Variants in ARSJ observed in about 807,000 individuals in gnomAD.
ARSJ encodes the protein arylsulfatase family member J.
ARSJ carries 26 observed loss-of-function variants against 35.9 expected under a neutral mutation model. That is an observed-to-expected ratio of 0.72 (90% confidence interval 0.53 to 1.00). The LOEUF (loss-of-function observed/expected upper bound fraction) is 1.00, where lower values mean the gene tolerates loss of function less well. Among genes scored for constraint, ARSJ ranks in the 50% least tolerant of loss-of-function variants. ARSJ has a pLI of 0.00. For missense variants in ARSJ, 667 were observed against 723.6 expected (o/e 0.92, Z 0.90); for synonymous variants, 294 against 267.6 (o/e 1.10, Z -0.96).
chr4:113,971,490 T>C (rs6533737), intron 1 of ARSJ, among the ~76,000 whole-genome samples: 147,960 of 152,208 alleles, frequency 0.97, 72,017 homozygotes, highest in East Asian at 1. Flanking sequence ...CAATAGTTTA[T>C]TTGACCATAA....
rs1419440470 is a variant in ARSJ, at chr4:113,900,753, C to G, written c.*1521G>C. 1 of 152,182 alleles carries G rather than the reference C, an allele frequency of 6.6e-6. No individual in the cohort carries two copies. Among genetic ancestry groups the G allele is most frequent in the Non-Finnish European group, 1.5e-5 (1 of 68,034 alleles). 9.4% of individuals were successfully genotyped at this position (152,182 alleles called of 1,614,324 possible). A position where few individuals can be genotyped will look rare whatever the true frequency, so the allele number is the denominator to read the frequency against. On this transcript the variant is annotated 3_prime_UTR_variant, in exon 2 of 2. Coordinates refer to ENST00000315366, the MANE Select transcript of ARSJ (RefSeq NM_024590.4). ...AAGAAAACACCAGGGTCTACAGGAT[C>G]CACACCAATCTATGCTCATTGATGA...
chr4:113,916,693 G>T (rs1248730717), intron 1 of ARSJ, among the ~76,000 whole-genome samples: 1 of 151,956 alleles, frequency 6.6e-6, no homozygotes, highest in Non-Finnish European at 1.5e-5. Flanking sequence ...CTTTTTCCTG[G>T]TAGTCAGATT....
At chr4:113,943,424 T>G (rs769996286) in intron 1 of ARSJ, 2 of 152,030 alleles carry the variant, frequency 1.3e-5, no homozygotes, top group Non-Finnish European at 2.9e-5. Context: ...AATTCCTCTG[T>G]AAATATCTCA....
intron 1 of ARSJ, among the ~76,000 whole-genome samples, chr4:113,904,941 G>A (rs1487004943): frequency 1.3e-5 from 2 of 152,180 alleles, no homozygotes; most frequent in Non-Finnish European, 2.9e-5. Flanking sequence ...CCTTATGTAT[G>A]TTTCCCACAG....
In ARSJ at chr4:113,969,151, C is replaced by T. The variant is rs979686401; in HGVS notation, c.398+9286G>A. On this transcript the variant is annotated intron_variant, in intron 1 of 1. Transcript: ENST00000315366. The stretch of plus-strand genomic sequence containing the variant: ...TACTTTTAACATCACTGTTTAAATA[C>T]ACATTTCCTCTCACTTGTCACAGGC... Among the ~76,000 whole-genome samples the T allele has an allele frequency of 6.6e-5, 10 of 152,090 alleles. 1 individual carries two copies. The highest frequency in any genetic ancestry group is 2.1e-4 in the South Asian group (1 of 4,824).
At chr4:113,917,949 ACATAATGC>A (rs1290653283) in intron 1 of ARSJ, among the ~76,000 whole-genome samples, 2 of 152,194 alleles carry the variant, frequency 1.3e-5, no homozygotes, top group African/African-American at 4.8e-5. Context: ...GAGGTACGCA[ACATAATGC>A]CTAGCACATA....
At chr4:113,909,558 A>G (rs2099669806) in intron 1 of ARSJ, among the ~76,000 whole-genome samples, 1 of 152,136 alleles carries the variant, frequency 6.6e-6, no homozygotes, top group Admixed American at 6.5e-5. Flanking sequence ...GTAAGTTCTC[A>G]TGAGATCCCA....
At chr4:113,926,321 T>C (rs1238647050) in intron 1 of ARSJ, among the ~76,000 whole-genome samples, 2 of 152,144 alleles carry the variant, frequency 1.3e-5, no homozygotes, top group East Asian at 3.9e-4. Context: ...CATTTCTCCT[T>C]CCATGCAAAA....
intron 1 of ARSJ, among the ~76,000 whole-genome samples, chr4:113,911,994 T>C (rs1722939908): frequency 6.6e-6 from 1 of 152,178 alleles, no homozygotes; most frequent in Non-Finnish European, 1.5e-5. Flanking sequence ...TAGATCACCA[T>C]AAGGTTTTTC....
intron 1 of ARSJ, among the ~76,000 whole-genome samples, chr4:113,971,365 C>T (rs1351278643): frequency 1.3e-5 from 2 of 152,170 alleles, no homozygotes; most frequent in Non-Finnish European, 2.9e-5. Flanking sequence ...GGATAATTTC[C>T]ACCTTTAAGA....
At chr4:113,953,046 C>G (rs1725959604) in intron 1 of ARSJ, among the ~76,000 whole-genome samples, 1 of 151,996 alleles carries the variant, frequency 6.6e-6, no homozygotes, top group African/African-American at 2.4e-5. Flanking sequence ...ATTCTTGGAA[C>G]AAGCTTTGGA....
Position 113,978,529 on chromosome 4 carries a change from A to G in ARSJ, c.306T>C (p.Thr102=). 2.5e-6 allele frequency: 4 copies of G among 1,614,078 alleles called. No individual in the cohort carries two copies. The highest frequency in any genetic ancestry group is 2.2e-5 in the East Asian group (1 of 44,902). The stretch of plus-strand genomic sequence containing the variant: ...CTCCTTCGGCAGCGAGCTTGTCAAG[A>G]GTAGGTGTTTTAATCTCAGATCCGT... ...GYHGSEIKTP[T]LDKLAAEGVK... Residue 102 remains threonine, a synonymous_variant, in exon 1 of 2, where the codon ACT becomes ACC. Coordinates refer to ENST00000315366, the MANE Select transcript of ARSJ (RefSeq NM_024590.4).
chr4:113,949,763 T>C (rs911815756), intron 1 of ARSJ, among the ~76,000 whole-genome samples: 1 of 152,098 alleles, frequency 6.6e-6, no homozygotes, highest in Admixed American at 6.6e-5. Context: ...CATCTGAATA[T>C]GAAGAAATGA....
At chr4:113,952,314 C>T (rs2374220) in intron 1 of ARSJ, among the ~76,000 whole-genome samples, 47,788 of 151,904 alleles carry the variant, frequency 0.31, 7,684 homozygotes, top group Admixed American at 0.36. Context: ...TGAATAAAAA[C>T]CAACTTCCCA....
At chr4:113,951,604 A>G (rs1429824078) in intron 1 of ARSJ, among the ~76,000 whole-genome samples, 1 of 152,034 alleles carries the variant, frequency 6.6e-6, no homozygotes, top group East Asian at 1.9e-4. Flanking sequence ...TCTTTTTTCT[A>G]TATTCACTGT....
chr4:113,928,854 G>A (rs960902490), intron 1 of ARSJ, among the ~76,000 whole-genome samples: 4 of 152,122 alleles, frequency 2.6e-5, no homozygotes, highest in Non-Finnish European at 4.4e-5. Context: ...GTTGGGATGA[G>A]TAGGTTTGAA....
intron 1 of ARSJ, among the ~76,000 whole-genome samples, chr4:113,931,189 GA>G (rs369963544): frequency 0.17 from 25,228 of 148,344 alleles, 2,512 homozygotes; most frequent in Middle Eastern, 0.31. Context: ...AAAAAAAATA[GA>G]AAAAAAAAAG....
At chr4:113,971,176 A>C (rs1171096342) in intron 1 of ARSJ, among the ~76,000 whole-genome samples, 1 of 152,158 alleles carries the variant, frequency 6.6e-6, no homozygotes, top group Non-Finnish European at 1.5e-5. Flanking sequence ...GATGAAATCA[A>C]AATTAATTTT....
chr4:113,954,244 A>T (rs1476259983), intron 1 of ARSJ, among the ~76,000 whole-genome samples: 1 of 152,052 alleles, frequency 6.6e-6, no homozygotes, highest in Non-Finnish European at 1.5e-5. Flanking sequence ...CACAACATAT[A>T]TGAATACAAG....
Sources: allele counts gnomAD v4.1 joint callset (sites outside exome capture counted in the v4.1 genomes callset), GRCh38; gene constraint gnomAD v4.1.1; transcripts MANE v1.5; gene names NCBI Gene and HGNC (gene_info 2026-07-23, HGNC 2026-07-21).